Variants in KDM4C observed in about 807,000 individuals in gnomAD.
The protein encoded by KDM4C is lysine-specific demethylase 4C.
KDM4C carries 81 observed loss-of-function variants against 129.3 expected under a neutral mutation model. The ratio of observed to expected loss-of-function variants is 0.63; its 90% CI spans 0.52 to 0.75. The LOEUF (loss-of-function observed/expected upper bound fraction) is 0.75, where lower values mean the gene tolerates loss of function less well. Ranked by LOEUF, KDM4C falls within the 30% of genes least tolerant of loss-of-function variation. The probability of loss-of-function intolerance (pLI) is 0.00; values close to 1 mark genes in which losing one functional copy is unlikely to be tolerated. For missense variants in KDM4C, 1,457 were observed against 1,304.0 expected, an observed-to-expected ratio of 1.12 and a Z score of -1.81; for synonymous variants, 573 against 456.1, an observed-to-expected ratio of 1.26 and a Z score of -3.26.
intron 8 of KDM4C, among the ~76,000 whole-genome samples, chr9:6,895,819 ATAACTT>A (rs1262003973): frequency 1.3e-5 from 2 of 152,244 alleles, no homozygotes; most frequent in African/African-American, 4.8e-5. Flanking sequence ...AAACAGGAAA[ATAACTT>A]TATAAAGAGA....
chr9:7,077,314 A>T, intron 17 of KDM4C: 6 of 812,754 alleles, frequency 7.4e-6, no homozygotes, highest in Non-Finnish European at 8.9e-6. Flanking sequence ...TGCTTTGGAC[A>T]TATAGTTGTC....
intron 6 of KDM4C, among the ~76,000 whole-genome samples, chr9:6,882,086 A>G (rs912634235): frequency 6.6e-6 from 1 of 152,224 alleles, no homozygotes; most frequent in Non-Finnish European, 1.5e-5. Context: ...TCCAAAAGAC[A>G]TTAGGCCTGC....
At chr9:6,859,787 C>A (rs901561422) in intron 5 of KDM4C, among the ~76,000 whole-genome samples, 24 of 150,916 alleles carry the variant, frequency 1.6e-4, no homozygotes, top group Non-Finnish European at 2.8e-4. Flanking sequence ...ATGGCGTGAA[C>A]CTGAGATGCG....
upstream of KDM4C, chr9:6,757,617 G>A (rs1047287664): frequency 3.1e-5 from 31 of 985,414 alleles, no homozygotes; most frequent in Non-Finnish European, 3.6e-5. Context: ...GTAACGCCAC[G>A]CTGACGTCCG....
In KDM4C at chr9:7,128,231, A is replaced by G; in HGVS notation, c.2776A>G (p.Ile926Val). The change falls in exon 19 of 22, where the codon ATC becomes GTC. Residue 926 changes from isoleucine to valine, a missense_variant. Coordinates refer to ENST00000381309, the MANE Select transcript of KDM4C (RefSeq NM_015061.6). ...SFSRDTFPED[I>V]VSRDCLKLGP... ...TAGCAGAGACACATTTCCTGAGGAT[A>G]TCGTGGTAAGTAGGCTTCCTTGAGT... The G allele has an allele frequency of 1.9e-6, 3 of 1,585,806 alleles. No homozygotes were observed. The highest frequency in any genetic ancestry group is 2.6e-6 in the Non-Finnish European group (3 of 1,165,392).
At chr9:6,812,632 A>G (rs1831367516) in intron 3 of KDM4C, among the ~76,000 whole-genome samples, 1 of 152,172 alleles carries the variant, frequency 6.6e-6, no homozygotes, top group Non-Finnish European at 1.5e-5. Flanking sequence ...GGTGGAACTC[A>G]GGCAGTAATG....
chr9:7,112,791 C>G (rs1010120508), intron 18 of KDM4C, among the ~76,000 whole-genome samples: 1 of 152,108 alleles, frequency 6.6e-6, no homozygotes, highest in Non-Finnish European at 1.5e-5. Context: ...TAAAGTGAAC[C>G]AGAATTTAGC....
intron 12 of KDM4C, among the ~76,000 whole-genome samples, chr9:7,005,831 C>T (rs980376852): frequency 6.6e-6 from 1 of 152,172 alleles, no homozygotes; most frequent in South Asian, 2.1e-4. Context: ...GGTTTAGAAT[C>T]ATCACCCAAC....
intron 18 of KDM4C, among the ~76,000 whole-genome samples, chr9:7,106,002 A>G (rs919234114): frequency 2.0e-5 from 3 of 152,146 alleles, no homozygotes; most frequent in African/African-American, 7.2e-5. Flanking sequence ...TTTCCTGATG[A>G]GGGAACAATT....
At chr9:6,755,176 C>T (rs1036464383), upstream of KDM4C, among the ~76,000 whole-genome samples, 12 of 152,164 alleles carry the variant, frequency 7.9e-5, no homozygotes, top group Non-Finnish European at 1.3e-4. Context: ...TCAAGACTAT[C>T]CTGGCTAACA....
chr9:7,085,728 T>A (rs2132984259), intron 17 of KDM4C, among the ~76,000 whole-genome samples: 1 of 152,300 alleles, frequency 6.6e-6, no homozygotes, highest in South Asian at 2.1e-4. Flanking sequence ...GGTGGGATAA[T>A]CTGAGCATTT....
At chr9:6,899,570 T>TGTGTGTGTGTGTG (rs1589001680) in intron 8 of KDM4C, among the ~76,000 whole-genome samples, 1 of 151,772 alleles carries the variant, frequency 6.6e-6, no homozygotes, top group Non-Finnish European at 1.5e-5. Flanking sequence ...TGTGTGTGTG[T>TGTGTGTGTGTGTG]TTAACTTGCT....
rs1817771417 is a variant in KDM4C at position 6,986,677 on chromosome 9, A to G, written c.1677+11A>G. 2.5e-6 allele frequency: 4 copies of G among 1,573,984 alleles called. No homozygotes were observed. In the South Asian group the frequency reaches 3.5e-5, roughly 14 times the overall value. On this transcript the variant is annotated intron_variant, in intron 11 of 21. Transcript: ENST00000381309. ...TTCAAAGTCCCCAGTGTATGTGGCA[A>G]TATCCATTTTTTACCATATTCATTA...
chr9:7,067,942 G>C (rs4742302), intron 17 of KDM4C, among the ~76,000 whole-genome samples: 110,604 of 151,654 alleles, frequency 0.73, 40,525 homozygotes, highest in Admixed American at 0.78. Flanking sequence ...ACTACAGGCG[G>C]CCACCACCAC....
At chr9:7,052,898 A>AGAGAGAGAGAGAGC (rs1477487723) in intron 17 of KDM4C, among the ~76,000 whole-genome samples, 10 of 47,526 alleles carry the variant, frequency 2.1e-4, no homozygotes, top group Non-Finnish European at 4.9e-4. Flanking sequence ...AGAGAGAGAG[A>AGAGAGAGAGAGAGC]GAGCGAGCGA....
At chr9:7,060,552 G>T (rs1831501602) in intron 17 of KDM4C, among the ~76,000 whole-genome samples, 1 of 151,332 alleles carries the variant, frequency 6.6e-6, no homozygotes, top group African/African-American at 2.4e-5. Flanking sequence ...TGCGATCTCG[G>T]TTCACTGCAA....
intron 17 of KDM4C, among the ~76,000 whole-genome samples, chr9:7,095,003 G>C (rs1257536592): frequency 6.6e-6 from 1 of 152,202 alleles, no homozygotes; most frequent in Admixed American, 6.5e-5. Flanking sequence ...AAAGGAAAAT[G>C]ATGAGATCTT....
At chr9:6,902,686 G>C (rs1817609256) in intron 8 of KDM4C, 1 of 152,152 alleles carries the variant, frequency 6.6e-6, no homozygotes, top group African/African-American at 2.4e-5. Context: ...ATTAATTTGG[G>C]GGAAGACTGG....
intron 15 of KDM4C, among the ~76,000 whole-genome samples, chr9:7,029,635 TA>T (rs1826393865): frequency 6.6e-6 from 1 of 152,174 alleles, no homozygotes; most frequent in Non-Finnish European, 1.5e-5. Context: ...TGTGTAAGAT[TA>T]TTTTTTAATT....
Sources: gnomAD v4.1 joint callset for allele counts (sites outside exome capture counted in the v4.1 genomes callset) on GRCh38, gnomAD v4.1.1 for gene constraint, MANE v1.5 for transcripts, NCBI Gene and HGNC (gene_info 2026-07-23, HGNC 2026-07-21) for gene names.